Variants in TLE1 observed in about 807,000 individuals in gnomAD.
TLE1 encodes TLE family member 1, transcriptional corepressor.
TLE1 carries 21 observed loss-of-function variants against 89.8 expected under a neutral mutation model. The ratio of observed to expected loss-of-function variants is 0.23; its 90% CI spans 0.17 to 0.34. TLE1 has a LOEUF of 0.34. TLE1 is among the 10% of genes least tolerant of loss of function. The pLI is 1.00. For missense variants in TLE1, 795 were observed against 1,031.2 expected (o/e 0.77, Z 3.14); for synonymous variants, 447 against 407.6 (o/e 1.10, Z -1.16).
At chr9:81,684,413 A>T (rs1165503458) in intron 4 of TLE1, among the ~76,000 whole-genome samples, 1 of 152,204 alleles carries the variant, frequency 6.6e-6, no homozygotes, top group Non-Finnish European at 1.5e-5. Context: ...TGAAAATCAC[A>T]ATCTCTTTCC....
intron 8 of TLE1, among the ~76,000 whole-genome samples, chr9:81,630,447 A>T (rs1470077790): frequency 2.0e-5 from 3 of 152,238 alleles, no homozygotes; most frequent in African/African-American, 7.2e-5. Flanking sequence ...TATTAACACA[A>T]TTTAAATTAA....
intron 4 of TLE1, among the ~76,000 whole-genome samples, chr9:81,665,336 A>G (rs568929773): frequency 1.3e-5 from 2 of 152,336 alleles, no homozygotes; most frequent in East Asian, 3.9e-4. Context: ...TGGCTCAACT[A>G]ATCAGAACAC....
chr9:81,668,607 T>TCA (rs750180390), intron 4 of TLE1, among the ~76,000 whole-genome samples: 2 of 152,018 alleles, frequency 1.3e-5, no homozygotes, highest in African/African-American at 2.4e-5. Context: ...AAGATAACAA[T>TCA]CAACCTACTT....
At chr9:81,600,554 CAG>C (rs1412461037) in intron 14 of TLE1, among the ~76,000 whole-genome samples, 1 of 146,516 alleles carries the variant, frequency 6.8e-6, no homozygotes, top group Admixed American at 6.9e-5. Context: ...GGTAGAAAAA[CAG>C]AAATTAAACT....
At chr9:81,624,683 AT>A (rs1187864749) in intron 8 of TLE1, among the ~76,000 whole-genome samples, 2 of 152,140 alleles carry the variant, frequency 1.3e-5, no homozygotes, top group Non-Finnish European at 2.9e-5. Context: ...ATCTGCCAGG[AT>A]TTTTTTAAAG....
chr9:81,607,183 T>C (rs908125647), intron 14 of TLE1, among the ~76,000 whole-genome samples: 9 of 152,164 alleles, frequency 5.9e-5, no homozygotes, highest in South Asian at 2.1e-4. Flanking sequence ...TATCACAACA[T>C]TGGCCACTGT....
At chr9:81,687,466 C>T (rs781349859) in intron 1 of TLE1, 32 bp from the exon 2 acceptor site, 3 of 1,536,270 alleles carry the variant, frequency 2.0e-6, no homozygotes, top group Admixed American at 3.6e-5. Context: ...GACCGAGGGA[C>T]GGGAATGCGG....
chr9:81,591,927 C>T (rs752917424), intron 15 of TLE1, among the ~76,000 whole-genome samples: 1 of 152,210 alleles, frequency 6.6e-6, no homozygotes, highest in African/African-American at 2.4e-5. Flanking sequence ...ATTTTCCAGG[C>T]AGGCAGTGGG....
At chr9:81,645,937 C>CT (rs1828806244) in intron 6 of TLE1, among the ~76,000 whole-genome samples, 1 of 151,996 alleles carries the variant, frequency 6.6e-6, no homozygotes, top group African/African-American at 2.4e-5. Flanking sequence ...ATGGGGTACT[C>CT]TATTTTCTAT....
intron 4 of TLE1, among the ~76,000 whole-genome samples, chr9:81,677,551 C>T (rs575940626): frequency 1.3e-4 from 17 of 127,614 alleles, no homozygotes; most frequent in African/African-American, 3.2e-4. Context: ...GGTAACAGAG[C>T]GAGACTCCAT....
At chr9:81,607,348 A>AC (rs1417830663) in intron 14 of TLE1, among the ~76,000 whole-genome samples, 1 of 151,816 alleles carries the variant, frequency 6.6e-6, no homozygotes, top group East Asian at 1.9e-4. Context: ...ACACACACAC[A>AC]CACACACATA....
Position 81,689,251 on chromosome 9 carries a change from G to A in TLE1, c.-1011C>T, listed in dbSNP as rs900021269. ...CGAGGGACGACATCCACGAGATGGTGGGGAAAACAGCAGGAGTGCGCTCCG... is the reference window on the plus strand; with the variant it reads ...CGAGGGACGACATCCACGAGATGGTAGGGAAAACAGCAGGAGTGCGCTCCG... On this transcript the variant is annotated 5_prime_UTR_variant, in exon 1 of 20. Coordinates refer to ENST00000376499, the MANE Select transcript of TLE1 (RefSeq NM_005077.5). 2.6e-5 allele frequency: 4 copies of A among 152,370 alleles called. No individual in the cohort carries two copies. The highest frequency in any genetic ancestry group is 4.4e-5 in the Non-Finnish European group (3 of 68,150). 9.4% of individuals were successfully genotyped at this position (152,370 alleles called of 1,614,324 possible).
chr9:81,614,301 C>T (rs1824125815), intron 11 of TLE1, among the ~76,000 whole-genome samples: 1 of 152,100 alleles, frequency 6.6e-6, no homozygotes, highest in Non-Finnish European at 1.5e-5. Context: ...GACAAAAGCC[C>T]CAGGGCTAAC....
At chr9:81,592,714 T>C (rs1447282471) in intron 15 of TLE1, among the ~76,000 whole-genome samples, 1 of 152,210 alleles carries the variant, frequency 6.6e-6, no homozygotes, top group Admixed American at 6.5e-5. Flanking sequence ...CCAGGCCCAG[T>C]TGTGCTTTTG....
At chr9:81,631,112 A>C (rs1177511035) in intron 8 of TLE1, among the ~76,000 whole-genome samples, 4 of 152,346 alleles carry the variant, frequency 2.6e-5, no homozygotes, top group Non-Finnish European at 5.9e-5. Flanking sequence ...ATAAATCCAC[A>C]TTTGAACTAG....
At chr9:81,616,787 C>T in intron 9 of TLE1, 88 bp from the exon 10 acceptor site, 1 of 1,509,698 alleles carries the variant, frequency 6.6e-7, no homozygotes, top group Non-Finnish European at 9.2e-7. Context: ...TTCCTGGTAG[C>T]AGACAGACTA....
intron 4 of TLE1, among the ~76,000 whole-genome samples, chr9:81,680,702 T>G (rs572491057): frequency 1.9e-4 from 29 of 151,998 alleles, no homozygotes; most frequent in African/African-American, 6.8e-4. Context: ...TGCAGAGAGC[T>G]TTCTCTCTTT....
rs2131763021 is a variant in TLE1 at position 81,587,896 on chromosome 9, T to C, written c.1830-68A>G. 5.4e-6 allele frequency: 4 copies of C among 739,124 alleles called. No individual in the cohort carries two copies. The East Asian group carries it at 9.1e-5, about 17-fold the overall frequency. 45.8% of individuals were successfully genotyped at this position (739,124 alleles called of 1,614,324 possible). A position where few individuals can be genotyped will look rare whatever the true frequency, so the allele number is the denominator to read the frequency against. The stretch of plus-strand genomic sequence containing the variant: ...CTCAAGGTAAACACTGTTGTGTTGT[T>C]AGTTTTGGACCGTGTGTGTGTGTGT... On this transcript the variant is annotated intron_variant, in intron 16 of 19. Coordinates refer to ENST00000376499, the MANE Select transcript of TLE1 (RefSeq NM_005077.5).
chr9:81,606,098 G>C (rs549545114), intron 14 of TLE1, among the ~76,000 whole-genome samples: 129 of 152,224 alleles, frequency 8.5e-4, no homozygotes, highest in African/African-American at 3.0e-3. Flanking sequence ...TTAGAATGGC[G>C]ATCATTAAAA....
Sources: gnomAD v4.1 joint callset for allele counts (sites outside exome capture counted in the v4.1 genomes callset) on GRCh38, gnomAD v4.1.1 for gene constraint, MANE v1.5 for transcripts, NCBI Gene and HGNC (gene_info 2026-07-23, HGNC 2026-07-21) for gene names.